Variants in HOXD8 observed in about 807,000 individuals in gnomAD.
The protein encoded by HOXD8 is homeobox D8.
In HOXD8, 17 loss-of-function variants were observed where a neutral mutation model predicts 25.4. The observed-to-expected ratio is 0.67, with a 90% CI of 0.46 to 1.00. The LOEUF is 1.00. Among genes scored for constraint, HOXD8 ranks in the 50% least tolerant of loss-of-function variants. The probability of loss-of-function intolerance (pLI) is 0.00; values close to 1 mark genes in which losing one functional copy is unlikely to be tolerated. For synonymous variants in HOXD8, 203 were observed against 175.3 expected, an observed-to-expected ratio of 1.16 and a Z score of -1.25; for missense variants, 511 against 398.5, an observed-to-expected ratio of 1.28 and a Z score of -2.40.
chr2:176,130,498 C>A lies in HOXD8; in HGVS notation c.132C>A (p.His44Gln). 6.7e-7 allele frequency: 1 copy of A among 1,491,120 alleles called. No homozygotes were observed. Among genetic ancestry groups the A allele is most frequent in the Non-Finnish European group, 8.9e-7 (1 of 1,127,092 alleles). 92.4% of individuals were successfully genotyped at this position (1,491,120 alleles called of 1,614,324 possible). ...TCGCGCCCGAGGTCGGCGGCCGTCA[C>A]GCCGCCGCCGCAGCAGCCCTGCAGC... ...CHFAPEVGGRHAAAAAALQLY... is the reference protein window; with the variant it reads ...CHFAPEVGGRQAAAAAALQLY... The change falls in exon 1 of 2, where the codon CAC becomes CAA. Residue 44 changes from histidine (H) to glutamine (Q), a missense_variant. Transcript: ENST00000313173.
At chr2:176,131,282 T>G in intron 1 of HOXD8, 35 bp from the exon 2 acceptor site, 1 of 1,555,198 alleles carries the variant, frequency 6.4e-7, no homozygotes, top group Non-Finnish European at 8.7e-7. Context: ...TTTTAAAACT[T>G]TTATTCCCCC....
chr2:176,132,509 C>T lies in HOXD8; in HGVS notation c.*897C>T, dbSNP rs1490431956. 1 of 152,106 alleles carries T rather than the reference C, an allele frequency of 6.6e-6. No homozygotes were observed. Among genetic ancestry groups the T allele is most frequent in the Non-Finnish European group, 1.5e-5 (1 of 68,020 alleles). 9.4% of individuals were successfully genotyped at this position (152,106 alleles called of 1,614,324 possible). ...TTTGTATTGCCTTTGTTCTGTTCGC[C>T]GCTGGTTTTAAACCAGCTTGCTGTG... On this transcript the variant is annotated 3_prime_UTR_variant, in exon 2 of 2. Transcript: ENST00000313173.
Position 176,131,446 on chromosome 2 carries a change from T to G in HOXD8, c.707T>G (p.Leu236Arg). 1.2e-6 allele frequency: 2 copies of G among 1,612,492 alleles called. No individual in the cohort carries two copies. Among genetic ancestry groups the G allele is most frequent in the Non-Finnish European group, 1.7e-6 (2 of 1,179,488 alleles). ...ATCGAGGTTTCCCACGCCCTAGCCC[T>G]CACCGAGAGACAGGTAAAAATCTGG... ...RRIEVSHALA[L>R]TERQVKIWFQ... is the part of the protein sequence containing the mutation. Residue 236 changes from leucine (L) to arginine (R), a missense_variant, in exon 2 of 2, where the codon CTC becomes CGC. Transcript: ENST00000313173.
chr2:176,130,657 C>G lies in HOXD8; in HGVS notation c.291C>G (p.Gly97=). 1 of 1,550,738 alleles carries G rather than the reference C, an allele frequency of 6.4e-7. No homozygotes were observed. Among genetic ancestry groups the G allele is most frequent in the Non-Finnish European group, 8.7e-7 (1 of 1,152,562 alleles). The change falls in exon 1 of 2, where the codon GGC becomes GGG. Residue 97 remains glycine, a synonymous_variant. Transcript: ENST00000313173. ...EGRGQEYFHP[G]GGSPAAAYQA... Reference sequence around the variant, plus strand: ...GGGGCCAGGAGTACTTCCACCCCGGCGGGGGCAGCCCGGCCGCTGCCTACC... The same window carrying G: ...GGGGCCAGGAGTACTTCCACCCCGGGGGGGGCAGCCCGGCCGCTGCCTACC...
chr2:176,131,439 C>G lies in HOXD8; in HGVS notation c.700C>G (p.Leu234Val), dbSNP rs753753250. 1 of 1,613,784 alleles carries G rather than the reference C, an allele frequency of 6.2e-7. No homozygotes were observed. Among genetic ancestry groups the G allele is most frequent in the Non-Finnish European group, 8.5e-7 (1 of 1,179,960 alleles). The change falls in exon 2 of 2, where the codon CTA (leucine) becomes GTA (valine). Residue 234 changes from leucine (L) to valine (V), a missense_variant. Leu to Val is a conservative substitution (Grantham distance 32, BLOSUM62 1). Coordinates refer to ENST00000313173, the MANE Select transcript of HOXD8 (RefSeq NM_019558.4). ...AAGAAGAATCGAGGTTTCCCACGCC[C>G]TAGCCCTCACCGAGAGACAGGTAAA... ...RKRRIEVSHALALTERQVKIW... is the reference protein window; with the variant it reads ...RKRRIEVSHAVALTERQVKIW...
rs754952797 is a variant in HOXD8 at position 176,130,905 on chromosome 2, C to T, written c.539C>T (p.Ser180Leu). 16 of 1,602,692 alleles carry T rather than the reference C, an allele frequency of 1.0e-5. No homozygotes were observed. The South Asian group carries it at 1.6e-4, about 16-fold the overall frequency. Reference sequence around the variant, plus strand: ...GACCCAGACCACTTAAATCAGAGCTCGTCTCCTTCTCAAATGTTTCCGTGG... The same window carrying T: ...GACCCAGACCACTTAAATCAGAGCTTGTCTCCTTCTCAAATGTTTCCGTGG... ...GEDPDHLNQS[S>L]SPSQMFPWMR... The change falls in exon 1 of 2, where the codon TCG (serine) becomes TTG (leucine). Residue 180 changes from serine to leucine, a missense_variant. Physicochemically the swap from Ser to Leu is moderately radical, Grantham distance 145. Coordinates refer to ENST00000313173, the MANE Select transcript of HOXD8 (RefSeq NM_019558.4).
In HOXD8 at chr2:176,130,672, C is replaced by T. The variant is rs1178974258; in HGVS notation, c.306C>T (p.Ala102=). 1.1e-5 allele frequency: 17 copies of T among 1,558,632 alleles called. No individual in the cohort carries two copies. The highest frequency in any genetic ancestry group is 3.6e-5 in the Admixed American group (2 of 55,862). ...EYFHPGGGSP[A]AAYQAAPPPP... ...TCCACCCCGGCGGGGGCAGCCCGGC[C>T]GCTGCCTACCAGGCCGCCCCCCCTC... The change falls in exon 1 of 2, where the codon GCC becomes GCT. Residue 102 remains alanine (A), a synonymous_variant. Transcript: ENST00000313173.
At position 176,130,861 on chromosome 2, in the gene HOXD8, C is replaced by G. The variant is rs1690089303; in HGVS notation, c.495C>G (p.Ser165=). The G allele has an allele frequency of 6.2e-7, 1 of 1,612,388 alleles. No individual in the cohort carries two copies. Among genetic ancestry groups the G allele is most frequent in the Non-Finnish European group, 8.5e-7 (1 of 1,179,298 alleles). ...ELVQYPDCKS[S]SGNIGEDPDH... Reference sequence around the variant, plus strand: ...TACAATATCCTGACTGTAAATCGTCCAGTGGTAATATTGGCGAGGACCCAG... The same window carrying G: ...TACAATATCCTGACTGTAAATCGTCGAGTGGTAATATTGGCGAGGACCCAG... The change falls in exon 1 of 2, where the codon TCC becomes TCG. Residue 165 remains serine (S), a synonymous_variant. Coordinates refer to ENST00000313173, the MANE Select transcript of HOXD8 (RefSeq NM_019558.4).
At position 176,130,903 on chromosome 2, in the gene HOXD8, C is replaced by T; in HGVS notation, c.537C>T (p.Ser179=). The T allele has an allele frequency of 6.2e-7, 1 of 1,603,644 alleles. No individual in the cohort carries two copies. Among genetic ancestry groups the T allele is most frequent in the Non-Finnish European group, 8.5e-7 (1 of 1,174,174 alleles). The change falls in exon 1 of 2, where the codon AGC becomes AGT. Residue 179 remains serine, a synonymous_variant. Coordinates refer to ENST00000313173, the MANE Select transcript of HOXD8 (RefSeq NM_019558.4). ...IGEDPDHLNQ[S]SSPSQMFPWM... Reference sequence around the variant, plus strand: ...AGGACCCAGACCACTTAAATCAGAGCTCGTCTCCTTCTCAAATGTTTCCGT... The same window carrying T: ...AGGACCCAGACCACTTAAATCAGAGTTCGTCTCCTTCTCAAATGTTTCCGT...
rs914411906 is a variant in HOXD8, at chr2:176,132,266, G to A, written c.*654G>A. 2.0e-5 allele frequency: 3 copies of A among 152,216 alleles called. No homozygotes were observed. The highest frequency in any genetic ancestry group is 6.5e-5 in the Admixed American group (1 of 15,282). The allele number at this position is 152,216 out of a possible 1,614,324, so 9.4% of individuals were successfully genotyped here. A position where few individuals can be genotyped will look rare whatever the true frequency, so the allele number is the denominator to read the frequency against. ...TAAACTTAAGAAAAAGATTGGGCCA[G>A]TGACAAGAATTTAAAGACAATGTCC... is the stretch of plus-strand genomic sequence containing the variant. On this transcript the variant is annotated 3_prime_UTR_variant, in exon 2 of 2. Transcript: ENST00000313173.
rs189097507 is a variant in HOXD8, at chr2:176,131,836, G to A, written c.*224G>A. On this transcript the variant is annotated 3_prime_UTR_variant, in exon 2 of 2. Coordinates refer to ENST00000313173, the MANE Select transcript of HOXD8 (RefSeq NM_019558.4). ...GAGCTGTCCTATGGAAGGGTAATTT[G>A]ATACTGACCTTGTAGCTATATTTTT... 1.2e-5 allele frequency: 5 copies of A among 431,812 alleles called. No homozygotes were observed. In the East Asian group the frequency reaches 1.4e-4, roughly 12 times the overall value. The allele number at this position is 431,812 out of a possible 1,614,324, so 26.7% of individuals were successfully genotyped here. A position where few individuals can be genotyped will look rare whatever the true frequency, so the allele number is the denominator to read the frequency against.
At position 176,130,630 on chromosome 2, in the gene HOXD8, C is replaced by T. The variant is rs1400204715; in HGVS notation, c.264C>T (p.Gly88=). The change falls in exon 1 of 2, where the codon GGC becomes GGT. Residue 88 remains glycine (G), a synonymous_variant. Transcript: ENST00000313173. ...PSGTGCGGRE[G]RGQEYFHPGG... ...GGACTGGGTGCGGCGGTAGGGAAGGCCGGGGCCAGGAGTACTTCCACCCCG... is the reference window on the plus strand; with the variant it reads ...GGACTGGGTGCGGCGGTAGGGAAGGTCGGGGCCAGGAGTACTTCCACCCCG... The T allele has an allele frequency of 2.6e-6, 4 of 1,520,328 alleles. No individual in the cohort carries two copies. The highest frequency in any genetic ancestry group is 1.4e-5 in the African/African-American group (1 of 69,718). The allele number at this position is 1,520,328 out of a possible 1,614,324, so 94.2% of individuals were successfully genotyped here.
In HOXD8 at chr2:176,130,501, C is replaced by T. The variant is rs779015325; in HGVS notation, c.135C>T (p.Ala45=). The stretch of plus-strand genomic sequence containing the variant: ...CGCCCGAGGTCGGCGGCCGTCACGC[C>T]GCCGCCGCAGCAGCCCTGCAGCTCT... ...HFAPEVGGRH[A]AAAAALQLYG... The change falls in exon 1 of 2, where the codon GCC becomes GCT. Residue 45 remains alanine (A), a synonymous_variant. Coordinates refer to ENST00000313173, the MANE Select transcript of HOXD8 (RefSeq NM_019558.4). 2 of 1,491,880 alleles carry T rather than the reference C, an allele frequency of 1.3e-6. No homozygotes were observed. Among genetic ancestry groups the T allele is most frequent in the Non-Finnish European group, 8.9e-7 (1 of 1,127,500 alleles). 92.4% of individuals were successfully genotyped at this position (1,491,880 alleles called of 1,614,324 possible). A position where few individuals can be genotyped will look rare whatever the true frequency, so the allele number is the denominator to read the frequency against.
rs1473981503 is a variant in HOXD8, at chr2:176,130,631, C to T, written c.265C>T (p.Arg89Trp). The T allele has an allele frequency of 2.6e-6, 4 of 1,521,502 alleles. No individual in the cohort carries two copies. The highest frequency in any genetic ancestry group is 3.5e-6 in the Non-Finnish European group (4 of 1,145,184). 94.3% of individuals were successfully genotyped at this position (1,521,502 alleles called of 1,614,324 possible). The change falls in exon 1 of 2, where the codon CGG becomes TGG. Residue 89 changes from arginine to tryptophan, a missense_variant. Arg to Trp is a moderately radical substitution (Grantham distance 101). Transcript: ENST00000313173. Reference protein sequence around the residue: ...SGTGCGGREGRGQEYFHPGGG... With the variant: ...SGTGCGGREGWGQEYFHPGGG... ...GACTGGGTGCGGCGGTAGGGAAGGC[C>T]GGGGCCAGGAGTACTTCCACCCCGG...
chr2:176,131,086 A>G, intron 1 of HOXD8, 143 bp downstream of exon 1: 1 of 694,740 alleles, frequency 1.4e-6, no homozygotes, highest in Non-Finnish European at 2.3e-6. Flanking sequence ...AAAGTAATAC[A>G]GACTTTTTTT....
At chr2:176,131,055 G>T (rs1490129168) in intron 1 of HOXD8, 112 bp downstream of exon 1, 2 of 755,704 alleles carry the variant, frequency 2.6e-6, no homozygotes, top group Admixed American at 5.9e-5. Context: ...TTCTTGTGTA[G>T]CCACAGTGGC....
At position 176,130,345 on chromosome 2, in the gene HOXD8, GGCCGCCGCC is replaced by G; in HGVS notation, c.-19_-11del. On this transcript the variant is annotated 5_prime_UTR_variant, in exon 1 of 2. Transcript: ENST00000313173. The stretch of plus-strand genomic sequence containing the variant: ...TGCTTAGCGCCGCCCGCCCGCCCGG[GGCCGCCGCC>G]GCTGACGCCCCAATGAGTTCGTACT... 2 of 1,383,914 alleles carry G rather than the reference GGCCGCCGCC, an allele frequency of 1.4e-6. No homozygotes were observed. Among genetic ancestry groups the G allele is most frequent in the South Asian group, 3.1e-5 (2 of 63,504 alleles). The allele number at this position is 1,383,914 out of a possible 1,614,324, so 85.7% of individuals were successfully genotyped here.
chr2:176,131,542 T>C lies in HOXD8; in HGVS notation c.803T>C (p.Val268Ala). ...AAATTTCCCGTTTCCCGGCAGGAGG[T>C]GAAGGACGGGGAAACGAAAAAGGAA... is the stretch of plus-strand genomic sequence containing the variant. ...KDKFPVSRQE[V>A]KDGETKKEAQ... Residue 268 changes from valine to alanine, a missense_variant, in exon 2 of 2, where the codon GTG (valine) becomes GCG (alanine). Val to Ala is a moderately conservative substitution (Grantham distance 64, BLOSUM62 0). Coordinates refer to ENST00000313173, the MANE Select transcript of HOXD8 (RefSeq NM_019558.4). The C allele has an allele frequency of 6.2e-7, 1 of 1,612,084 alleles. No individual in the cohort carries two copies. The highest frequency in any genetic ancestry group is 8.5e-7 in the Non-Finnish European group (1 of 1,179,638).
Position 176,131,727 on chromosome 2 carries a change from T to C in HOXD8, c.*115T>C, listed in dbSNP as rs1453393244. The stretch of plus-strand genomic sequence containing the variant: ...TTACCTGTGTTTCAAGCTACCTTCA[T>C]GTCACTGCTCTTGAGGTTTTCTGTG... On this transcript the variant is annotated 3_prime_UTR_variant, in exon 2 of 2. Transcript: ENST00000313173. The C allele has an allele frequency of 1.5e-6, 1 of 647,656 alleles. No homozygotes were observed. 40.1% of individuals were successfully genotyped at this position (647,656 alleles called of 1,614,324 possible). A position where few individuals can be genotyped will look rare whatever the true frequency, so the allele number is the denominator to read the frequency against.
Sources: allele counts gnomAD v4.1 joint callset, GRCh38; gene constraint gnomAD v4.1.1; transcripts MANE v1.5; gene names NCBI Gene and HGNC (gene_info 2026-07-23, HGNC 2026-07-21).